RIMBP2: variants seen among roughly 807,000 people sequenced by gnomAD.
The protein encoded by RIMBP2 is RIMS binding protein 2.
RIMBP2 carries 48 observed loss-of-function variants against 118.6 expected under a neutral mutation model. The ratio of observed to expected loss-of-function variants is 0.40; its 90% CI spans 0.32 to 0.51. The LOEUF is 0.51. Among genes scored for constraint, RIMBP2 ranks in the 20% least tolerant of loss-of-function variants. The pLI, the probability that RIMBP2 is intolerant of heterozygous loss-of-function variation, is 0.41. For synonymous variants in RIMBP2, 762 were observed against 742.9 expected, an observed-to-expected ratio of 1.03 and a Z score of -0.42; for missense variants, 1,551 against 1,768.3, an observed-to-expected ratio of 0.88 and a Z score of 2.20.
chr12:130,573,390 G>A (rs1566287584), intron 2 of RIMBP2, among the ~76,000 whole-genome samples: 4 of 99,900 alleles, frequency 4.0e-5, no homozygotes, highest in East Asian at 2.5e-4. Context: ...ATAAGTGTTC[G>A]CGCGTGTGTG....
At chr12:130,664,435 G>GCACACACACA (rs1362551497) in intron 1 of RIMBP2, among the ~76,000 whole-genome samples, 1 of 56,386 alleles carries the variant, frequency 1.8e-5, no homozygotes, top group Admixed American at 1.9e-4. Context: ...ACACATGCAT[G>GCACACACACA]CACGCACACA....
At chr12:130,407,705 A>G (rs1259133081) in intron 20 of RIMBP2, 21 bp downstream of exon 20, 2 of 1,584,636 alleles carry the variant, frequency 1.3e-6, no homozygotes, top group Non-Finnish European at 1.7e-6. Flanking sequence ...TCCGTCATGA[A>G]GTGCAGTGTT....
rs555791259 is a variant in RIMBP2 at position 130,700,331 on chromosome 12, G to A, written c.-352+15891C>T. ...ATCTCTAAGACACCAGCCACACCCC[G>A]CAAGGGTCTGCAAGACGGTCAACCA... On this transcript the variant is annotated intron_variant, in intron 1 of 22. Coordinates refer to ENST00000690449, the MANE Select transcript of RIMBP2 (RefSeq NM_001393629.1). Among the ~76,000 whole-genome samples the A allele has an allele frequency of 8.5e-5, 13 of 152,240 alleles. No individual in the cohort carries two copies. The East Asian group carries it at 2.1e-3, about 25-fold the overall frequency.
At position 130,400,184 on chromosome 12, in the gene RIMBP2, G is replaced by A. The variant is rs77355103; in HGVS notation, c.3766-371C>T. On this transcript the variant is annotated intron_variant, in intron 21 of 22. Coordinates refer to ENST00000690449, the MANE Select transcript of RIMBP2 (RefSeq NM_001393629.1). ...ACTAGGGAGCTGCTAAAAACACATC[G>A]CTCAGCACACCAGCCCAGACCAATG... is the stretch of plus-strand genomic sequence containing the variant. Among the ~76,000 whole-genome samples, 312 of 152,188 alleles carry A rather than the reference G, an allele frequency of 2.1e-3. 7 individuals are homozygous for A. In the East Asian group the frequency reaches 0.045, roughly 22 times the overall value.
intron 1 of RIMBP2, chr12:130,658,549 A>G (rs2063522372): frequency 1.3e-5 from 2 of 152,256 alleles, no homozygotes; most frequent in South Asian, 4.1e-4. Flanking sequence ...GAGTAAATTG[A>G]CAAAAGGTCA....
At chr12:130,524,214 GA>G (rs1322468822) in intron 2 of RIMBP2, among the ~76,000 whole-genome samples, 1 of 152,178 alleles carries the variant, frequency 6.6e-6, no homozygotes, top group Non-Finnish European at 1.5e-5. Context: ...CTGATCACAT[GA>G]ATGCAATTAA....
intron 4 of RIMBP2, among the ~76,000 whole-genome samples, chr12:130,503,808 T>C (rs1370702777): frequency 1.3e-5 from 2 of 152,218 alleles, no homozygotes; most frequent in African/African-American, 2.4e-5. Context: ...TTGGAGTAAC[T>C]ATGTTCAGCC....
intron 1 of RIMBP2, among the ~76,000 whole-genome samples, chr12:130,666,677 G>C (rs536577009): frequency 1.4e-5 from 2 of 148,044 alleles, no homozygotes; most frequent in African/African-American, 5.0e-5. Flanking sequence ...GGAGGAAAGA[G>C]GGAAGGACAA....
At chr12:130,705,395 C>T (rs2463417) in intron 1 of RIMBP2, among the ~76,000 whole-genome samples, 93,082 of 152,088 alleles carry the variant, frequency 0.61, 31,137 homozygotes, top group Non-Finnish European at 0.77. Flanking sequence ...TGCTTCCTAA[C>T]GCATCTTTCA....
At chr12:130,502,210 T>A (rs770466305) in intron 4 of RIMBP2, among the ~76,000 whole-genome samples, 5 of 152,120 alleles carry the variant, frequency 3.3e-5, no homozygotes, top group Non-Finnish European at 7.4e-5. Context: ...AGCTGTTCAG[T>A]CCAGTCCGGT....
Position 130,442,175 on chromosome 12 carries a change from T to C in RIMBP2, c.1177A>G (p.Ser393Gly), listed in dbSNP as rs755086407. The change falls in exon 11 of 23, where the codon AGC becomes GGC. Residue 393 changes from serine to glycine, a missense_variant. Ser to Gly is a moderately conservative substitution (Grantham distance 56, BLOSUM62 0). This residue lies in a region of RIMBP2 where 265 missense variants were observed against 349.5 expected (regional missense o/e 0.76). Coordinates refer to ENST00000690449, the MANE Select transcript of RIMBP2 (RefSeq NM_001393629.1). The surrounding 1 kb of genome is among the most constrained non-coding windows in gnomAD (Gnocchi z 6.9). ...AGCGTGCACTGCAGCTCATCCGAGC[T>C]GCCCCTGCTGGTGACGCACTGCACG... ...ISVQCVTSRG[S>G]SDELQCTLLV... 3 of 1,614,204 alleles carry C rather than the reference T, an allele frequency of 1.9e-6. No individual in the cohort carries two copies. Among genetic ancestry groups the C allele is most frequent in the Admixed American group, 3.3e-5 (2 of 60,032 alleles).
chr12:130,664,437 ACG>A (rs1403287618), intron 1 of RIMBP2, among the ~76,000 whole-genome samples: 2 of 89,402 alleles, frequency 2.2e-5, no homozygotes, highest in Admixed American at 1.2e-4. Context: ...ACATGCATGC[ACG>A]CACACACGCA....
At chr12:130,646,957 C>A (rs558819262) in intron 1 of RIMBP2, among the ~76,000 whole-genome samples, 14 of 152,344 alleles carry the variant, frequency 9.2e-5, no homozygotes, top group African/African-American at 3.4e-4. Flanking sequence ...GGCCTAGAGG[C>A]CCAGCCTTAG....
intron 1 of RIMBP2, among the ~76,000 whole-genome samples, chr12:130,681,351 T>C (rs773148880): frequency 1.1e-4 from 16 of 152,182 alleles, no homozygotes; most frequent in Non-Finnish European, 1.6e-4. Context: ...TAACATAAGA[T>C]GTAAACCATT....
chr12:130,535,768 T>TACAC (rs1566218492), intron 2 of RIMBP2, among the ~76,000 whole-genome samples: 4 of 122,438 alleles, frequency 3.3e-5, no homozygotes, highest in African/African-American at 1.2e-4. Flanking sequence ...TATATATATA[T>TACAC]ATATATATAT....
chr12:130,575,290 A>G lies in RIMBP2; in HGVS notation c.-217+53032T>C, dbSNP rs948646630. 2.0e-5 allele frequency among the ~76,000 whole-genome samples: 3 copies of G among 148,570 alleles called. No homozygotes were observed. The South Asian group carries it at 6.7e-4, about 33-fold the overall frequency. On this transcript the variant is annotated intron_variant, in intron 2 of 22. Transcript: ENST00000690449. ...GTTGCTGGGGTCCCTGAGGAACAACAGTGAACAGAAGTTCCCACCAACCCA... is the reference window on the plus strand; with the variant it reads ...GTTGCTGGGGTCCCTGAGGAACAACGGTGAACAGAAGTTCCCACCAACCCA...
At chr12:130,682,118 C>G (rs889388013) in intron 1 of RIMBP2, among the ~76,000 whole-genome samples, 1 of 152,202 alleles carries the variant, frequency 6.6e-6, no homozygotes, top group Non-Finnish European at 1.5e-5. Flanking sequence ...GGGACACCCT[C>G]CCAGCCCTTG....
At chr12:130,532,004 C>T (rs1421410822) in intron 2 of RIMBP2, among the ~76,000 whole-genome samples, 3 of 85,556 alleles carry the variant, frequency 3.5e-5, no homozygotes, top group African/African-American at 5.3e-5. Context: ...TAATGAGATG[C>T]GTATGTTTAG....
intron 15 of RIMBP2, chr12:130,426,948 CA>C (rs1213940374): frequency 6.6e-6 from 1 of 152,338 alleles, no homozygotes; most frequent in Non-Finnish European, 1.5e-5. Context: ...CAGACTGGAC[CA>C]CTCCGCAAAG....
Sources: gnomAD v4.1 joint callset for allele counts (sites outside exome capture counted in the v4.1 genomes callset) on GRCh38, gnomAD v4.1.1 for gene constraint, gnomAD v4.1.1 regional missense constraint, Gnocchi (gnomAD v3.1) non-coding constraint, MANE v1.5 for transcripts, NCBI Gene and HGNC (gene_info 2026-07-23, HGNC 2026-07-21) for gene names.